Variants in PKIG observed in about 807,000 individuals in gnomAD.
The protein encoded by PKIG is cAMP-dependent protein kinase inhibitor gamma, also known as protein kinase (cAMP-dependent, catalytic) inhibitor gamma.
PKIG carries 1 observed loss-of-function variant against 6.8 expected under a neutral mutation model. That is an observed-to-expected ratio of 0.15 (90% CI 0.05 to 0.69). The LOEUF is 0.69. Among genes scored for constraint, PKIG ranks in the 30% least tolerant of loss-of-function variants. The pLI, the probability that PKIG is intolerant of heterozygous loss-of-function variation, is 0.82. For synonymous variants in PKIG, 39 were observed against 43.0 expected (o/e 0.91, Z 0.36); for missense variants, 77 against 104.0 (o/e 0.74, Z 1.13).
intron 1 of PKIG, among the ~76,000 whole-genome samples, chr20:44,567,432 C>T (rs1424372574): frequency 1.3e-5 from 2 of 152,200 alleles, no homozygotes; most frequent in African/African-American, 2.4e-5. Flanking sequence ...ATTTTCATCT[C>T]GCTGTTCTAA....
intron 1 of PKIG, among the ~76,000 whole-genome samples, chr20:44,548,127 C>G (rs992758250): frequency 1.3e-5 from 2 of 151,808 alleles, no homozygotes; most frequent in Non-Finnish European, 2.9e-5. Context: ...TGCAGTGAGC[C>G]GAGATCGCAC....
At chr20:44,578,537 A>T (rs879776482), upstream of PKIG, among the ~76,000 whole-genome samples, 1 of 151,876 alleles carries the variant, frequency 6.6e-6, no homozygotes, top group Non-Finnish European at 1.5e-5. Flanking sequence ...TTTAAAAAGA[A>T]CCTGGCACTT....
intron 1 of PKIG, among the ~76,000 whole-genome samples, chr20:44,541,758 C>T (rs1269379006): frequency 3.4e-5 from 5 of 148,880 alleles, no homozygotes; most frequent in Admixed American, 6.7e-5. Flanking sequence ...CAATGGATCA[C>T]GGCTCACTGC....
chr20:44,606,155 C>T (rs1291501684), intron 2 of PKIG, among the ~76,000 whole-genome samples: 1 of 152,152 alleles, frequency 6.6e-6, no homozygotes, highest in Non-Finnish European at 1.5e-5. Context: ...ATATTAAGAA[C>T]TCCTACAAAT....
intron 2 of PKIG, among the ~76,000 whole-genome samples, chr20:44,609,727 G>C (rs1006955826): frequency 1.3e-5 from 2 of 152,188 alleles, no homozygotes; most frequent in African/African-American, 4.8e-5. Context: ...TCTAACTGAG[G>C]AAGAGCCGAG....
In PKIG at chr20:44,535,788, G is replaced by T. The variant is rs569831308; in HGVS notation, c.-241+3810G>T. On this transcript the variant is annotated intron_variant, in intron 1 of 4. Coordinates refer to the PKIG transcript ENST00000372887. ...ATAATAAAAATGTCTGGAAATACTA[G>T]TTCTTTTTAAAAATGTTAAATCTTT... is the stretch of plus-strand genomic sequence containing the variant. Among the ~76,000 whole-genome samples the T allele has an allele frequency of 2.6e-5, 4 of 152,274 alleles. No individual in the cohort carries two copies. The East Asian group carries it at 7.7e-4, about 29-fold the overall frequency.
intron 1 of PKIG, among the ~76,000 whole-genome samples, 194 bp downstream of exon 1, chr20:44,582,925 A>C (rs1394397522): frequency 6.6e-6 from 1 of 152,244 alleles, no homozygotes; most frequent in Non-Finnish European, 1.5e-5. Flanking sequence ...CGGAGCCTCC[A>C]GTCTCACAAA....
Position 44,613,526 on chromosome 20 carries a change from C to G in PKIG, c.-23-1008C>G, listed in dbSNP as rs544947410. 2.6e-5 allele frequency among the ~76,000 whole-genome samples: 4 copies of G among 152,340 alleles called. No individual in the cohort carries two copies. The South Asian group carries it at 6.2e-4, about 24-fold the overall frequency. On this transcript the variant is annotated intron_variant, in intron 2 of 3. Transcript: ENST00000372886. ...TCTCAAAGTTACCGAATAGGCCAAA[C>G]AGGACTTTATGCCCTCAAATATTCC...
At chr20:44,580,396 A>G (rs1440130245), upstream of PKIG, among the ~76,000 whole-genome samples, 3 of 151,468 alleles carry the variant, frequency 2.0e-5, no homozygotes, top group African/African-American at 7.3e-5. Flanking sequence ...CCCAAGCTGG[A>G]GTGCAGTGGT....
intron 3 of PKIG, among the ~76,000 whole-genome samples, chr20:44,615,385 T>A (rs1165648502): frequency 2.0e-5 from 3 of 152,108 alleles, no homozygotes; most frequent in Non-Finnish European, 4.4e-5. Flanking sequence ...GTCTCAGGGG[T>A]CTAAATGTGA....
chr20:44,598,842 G>T (rs1180163734), intron 2 of PKIG: 2 of 152,160 alleles, frequency 1.3e-5, no homozygotes, highest in East Asian at 3.9e-4. Flanking sequence ...CCCTGGCCCT[G>T]TGTGAAGTAG....
chr20:44,573,135 A>G (rs1288365255), intron 1 of PKIG, among the ~76,000 whole-genome samples: 3 of 152,328 alleles, frequency 2.0e-5, no homozygotes, highest in Admixed American at 1.3e-4. Context: ...TGTGCCAGCA[A>G]CTCATCTGCT....
rs140166581 is a variant in PKIG, at chr20:44,602,474, C to T, written c.-23-12060C>T. Among the ~76,000 whole-genome samples, 234 of 152,216 alleles carry T rather than the reference C, an allele frequency of 1.5e-3. 1 individual carries two copies. Among genetic ancestry groups the T allele is most frequent in the African/African-American group, 5.2e-3 (217 of 41,540 alleles). On this transcript the variant is annotated intron_variant, in intron 2 of 3. Transcript: ENST00000372886. Reference sequence around the variant, plus strand: ...TAGTTTCCAGTATATACCCTATGCCCGGCACAGTGCCTGGCATGTAGAAGT... The same window carrying T: ...TAGTTTCCAGTATATACCCTATGCCTGGCACAGTGCCTGGCATGTAGAAGT...
At chr20:44,564,420 C>T (rs2064793258) in intron 1 of PKIG, 1 of 152,082 alleles carries the variant, frequency 6.6e-6, no homozygotes, top group Non-Finnish European at 1.5e-5. Flanking sequence ...CGTGGTATCA[C>T]TGGCCTCATG....
chr20:44,548,479 T>C (rs1489415220), intron 1 of PKIG, among the ~76,000 whole-genome samples: 2 of 152,144 alleles, frequency 1.3e-5, no homozygotes, highest in Admixed American at 1.3e-4. Context: ...ATGAAAACAA[T>C]TTTACTTTAT....
intron 1 of PKIG, among the ~76,000 whole-genome samples, chr20:44,553,342 T>C (rs772101172): frequency 3.9e-5 from 6 of 152,182 alleles, no homozygotes; most frequent in Non-Finnish European, 8.8e-5. Context: ...TTCTGTTGGC[T>C]GAGAGGTTAG....
At chr20:44,616,869 G>T (rs1382751802) in intron 3 of PKIG, among the ~76,000 whole-genome samples, 3 of 152,228 alleles carry the variant, frequency 2.0e-5, no homozygotes, top group African/African-American at 7.2e-5. Context: ...TTTCCAGGCA[G>T]CGGGCTCGGA....
chr20:44,589,638 T>C (rs2065018683), intron 1 of PKIG, among the ~76,000 whole-genome samples, 159 bp from the exon 2 acceptor site: 1 of 152,210 alleles, frequency 6.6e-6, no homozygotes, highest in Admixed American at 6.5e-5. Flanking sequence ...CCTGGACATT[T>C]CAGGAATGTG....
At chr20:44,554,045 A>G (rs2064691538) in intron 1 of PKIG, among the ~76,000 whole-genome samples, 1 of 152,078 alleles carries the variant, frequency 6.6e-6, no homozygotes, top group African/African-American at 2.4e-5. Flanking sequence ...ACAGCAGAGC[A>G]TTGTAGACCA....
Sources: allele counts gnomAD v4.1 joint callset (sites outside exome capture counted in the v4.1 genomes callset), GRCh38; gene constraint gnomAD v4.1.1; transcripts MANE v1.5; gene names NCBI Gene and HGNC (gene_info 2026-07-23, HGNC 2026-07-21).